The following AP2B1 variants were observed in gnomAD, a reference collection of about 807,000 sequenced individuals.
AP2B1 encodes adaptor related protein complex 2 subunit beta 1.
AP2B1 carries 23 observed loss-of-function variants against 102.0 expected under a neutral mutation model. The ratio of observed to expected loss-of-function variants is 0.23; its 90% CI spans 0.16 to 0.32. The LOEUF (loss-of-function observed/expected upper bound fraction) is 0.32. AP2B1 is among the 10% of genes least tolerant of loss of function. The pLI is 1.00. For synonymous variants in AP2B1, 381 were observed against 421.2 expected, an observed-to-expected ratio of 0.90 and a Z score of 1.17; for missense variants, 541 against 1,157.4, an observed-to-expected ratio of 0.47 and a Z score of 7.73.
chr17:35,624,037 G>C (rs906511876), intron 5 of AP2B1, among the ~76,000 whole-genome samples: 3 of 152,036 alleles, frequency 2.0e-5, no homozygotes, highest in African/African-American at 4.8e-5. Flanking sequence ...TCTCTCTGTT[G>C]CCTAATGTAC....
At chr17:35,670,641 A>C (rs1352001121) in intron 14 of AP2B1, among the ~76,000 whole-genome samples, 1 of 152,132 alleles carries the variant, frequency 6.6e-6, no homozygotes, top group Admixed American at 6.5e-5. Flanking sequence ...CTTCTTTACA[A>C]GTTTTCTCCA....
chr17:35,646,958 A>G (rs1318812496), intron 12 of AP2B1, among the ~76,000 whole-genome samples: 1 of 152,136 alleles, frequency 6.6e-6, no homozygotes. Flanking sequence ...TACATTACAT[A>G]TGGGAGAAAT....
At chr17:35,651,589 T>C (rs1041447023) in intron 13 of AP2B1, among the ~76,000 whole-genome samples, 2 of 152,194 alleles carry the variant, frequency 1.3e-5, no homozygotes, top group African/African-American at 4.8e-5. Context: ...CTTGTACCAT[T>C]GTCTAATATA....
chr17:35,668,379 AG>A (rs1446207055), intron 14 of AP2B1, among the ~76,000 whole-genome samples: 1 of 152,134 alleles, frequency 6.6e-6, no homozygotes, highest in Non-Finnish European at 1.5e-5. Flanking sequence ...CAACTGGGGA[AG>A]CTTTTCAAAA....
At chr17:35,621,309 T>C (rs1158563211) in intron 5 of AP2B1, 11 of 985,286 alleles carry the variant, frequency 1.1e-5, no homozygotes, top group East Asian at 1.1e-4. Flanking sequence ...TAAGTTTTCA[T>C]TGAAGAGTGA....
At chr17:35,713,186 G>T (rs1362641642) in intron 20 of AP2B1, among the ~76,000 whole-genome samples, 4 of 152,236 alleles carry the variant, frequency 2.6e-5, no homozygotes, top group Non-Finnish European at 4.4e-5. Flanking sequence ...AGCAAATTCA[G>T]TTTTGATCAA....
chr17:35,635,262 C>T (rs12947592), intron 9 of AP2B1, among the ~76,000 whole-genome samples: 35,027 of 152,080 alleles, frequency 0.23, 4,312 homozygotes, highest in East Asian at 0.34. Flanking sequence ...CCATGTTGGC[C>T]AGGCTGGTCT....
chr17:35,605,645 C>A (rs1598008331), intron 3 of AP2B1, 60 bp from the exon 4 acceptor site: 1 of 1,244,342 alleles, frequency 8.0e-7, no homozygotes. Flanking sequence ...CATGTTCTGT[C>A]CAACAGCTTG....
At chr17:35,640,313 T>G (rs1787843384) in intron 11 of AP2B1, among the ~76,000 whole-genome samples, 1 of 150,550 alleles carries the variant, frequency 6.6e-6, no homozygotes, top group East Asian at 2.0e-4. Flanking sequence ...TGTGGCTCAC[T>G]GCAACCTCTG....
At chr17:35,600,320 T>C (rs2073435298) in intron 3 of AP2B1, among the ~76,000 whole-genome samples, 1 of 151,994 alleles carries the variant, frequency 6.6e-6, no homozygotes, top group African/African-American at 2.4e-5. Context: ...TGACCTCAAA[T>C]GATCTACCTG....
chr17:35,632,842 A>G (rs1271899277), intron 9 of AP2B1, among the ~76,000 whole-genome samples: 2 of 152,004 alleles, frequency 1.3e-5, no homozygotes, highest in Non-Finnish European at 2.9e-5. Context: ...GCACTGTGCT[A>G]AGCACTTACT....
intron 18 of AP2B1, among the ~76,000 whole-genome samples, chr17:35,694,956 C>T (rs966056422): frequency 2.6e-5 from 4 of 152,034 alleles, no homozygotes; most frequent in African/African-American, 9.7e-5. Flanking sequence ...TGTGCCTCTG[C>T]CCCCCTCTTC....
intron 18 of AP2B1, among the ~76,000 whole-genome samples, chr17:35,683,287 G>A (rs1302802313): frequency 3.3e-5 from 5 of 152,074 alleles, no homozygotes; most frequent in Non-Finnish European, 5.9e-5. Context: ...ATGTTTTGTT[G>A]TTAAGAAAAA....
chr17:35,673,304 C>A (rs1423088821), intron 16 of AP2B1, among the ~76,000 whole-genome samples: 2 of 152,000 alleles, frequency 1.3e-5, no homozygotes, highest in Non-Finnish European at 2.9e-5. Flanking sequence ...TCTGCCTCAG[C>A]CTCCCCAGTA....
intron 1 of AP2B1, among the ~76,000 whole-genome samples, chr17:35,593,164 A>G (rs997010555): frequency 4.6e-5 from 7 of 152,206 alleles, no homozygotes; most frequent in African/African-American, 1.7e-4. Context: ...TGTTGGAAGT[A>G]AGAAAGCCAC....
chr17:35,645,772 C>G (rs1415424777), intron 12 of AP2B1, among the ~76,000 whole-genome samples: 1 of 152,144 alleles, frequency 6.6e-6, no homozygotes, highest in Non-Finnish European at 1.5e-5. Flanking sequence ...TCACTTGAAC[C>G]CGGGAGGCAG....
At chr17:35,637,433 G>A (rs1217072644) in intron 10 of AP2B1, among the ~76,000 whole-genome samples, 1 of 152,034 alleles carries the variant, frequency 6.6e-6, no homozygotes, top group Non-Finnish European at 1.5e-5. Flanking sequence ...ATCCACCTCA[G>A]CCTCCCAAAG....
At chr17:35,644,074 C>T (rs2074858320) in intron 12 of AP2B1, among the ~76,000 whole-genome samples, 1 of 152,170 alleles carries the variant, frequency 6.6e-6, no homozygotes, top group Non-Finnish European at 1.5e-5. Context: ...AGGCTAGAAA[C>T]TCACTTAATC....
In AP2B1 at chr17:35,599,384, A is replaced by G. The variant is rs921327945; in HGVS notation, c.143+1049A>G. Among the ~76,000 whole-genome samples, 22 of 152,384 alleles carry G rather than the reference A, an allele frequency of 1.4e-4. No individual in the cohort carries two copies. The South Asian group carries it at 1.7e-3, about 11-fold the overall frequency. ...ACAATGGATACGTTTCAGGTTTTAA[A>G]GTAAAAAATTAGAATTTTGGAAAAT... On this transcript the variant is annotated intron_variant, in intron 3 of 21. Transcript: ENST00000610402.
Sources: allele counts gnomAD v4.1 joint callset (sites outside exome capture counted in the v4.1 genomes callset), GRCh38; gene constraint gnomAD v4.1.1; transcripts MANE v1.5; gene names NCBI Gene and HGNC (gene_info 2026-07-23, HGNC 2026-07-21).